The following CCBE1 variants were observed in gnomAD, a reference collection of about 807,000 sequenced individuals.
The protein encoded by CCBE1 is collagen and calcium binding EGF domains 1.
Under a neutral mutation model 50.0 loss-of-function variants are expected in CCBE1, and 37 were observed. The ratio of observed to expected loss-of-function variants is 0.74; its 90% CI spans 0.57 to 0.97. The LOEUF (loss-of-function observed/expected upper bound fraction) is 0.97, where lower values mean the gene tolerates loss of function less well. Among genes scored for constraint, CCBE1 ranks in the 50% least tolerant of loss-of-function variants. CCBE1 has a pLI of 0.00. For missense variants in CCBE1, 538 were observed against 523.8 expected (o/e 1.03, Z -0.26); for synonymous variants, 234 against 203.7 (o/e 1.15, Z -1.27).
chr18:59,473,748 C>T (rs76602799), intron 3 of CCBE1, among the ~76,000 whole-genome samples: 11 of 26,712 alleles, frequency 4.1e-4, no homozygotes, highest in South Asian at 1.1e-3. Context: ...TTTCCTCCCC[C>T]ACTACTCACC....
chr18:59,517,400 T>G (rs1466485134), intron 2 of CCBE1, among the ~76,000 whole-genome samples: 1 of 152,242 alleles, frequency 6.6e-6, no homozygotes, highest in Admixed American at 6.5e-5. Context: ...TTTCACCTGT[T>G]TCTATGCATG....
chr18:59,517,255 T>C (rs1914412649), intron 2 of CCBE1, among the ~76,000 whole-genome samples: 2 of 152,258 alleles, frequency 1.3e-5, no homozygotes, highest in African/African-American at 2.4e-5. Context: ...AACTGGCTTT[T>C]ATTGATTCAC....
chr18:59,458,716 T>C (rs913871948), intron 5 of CCBE1, among the ~76,000 whole-genome samples: 2 of 152,214 alleles, frequency 1.3e-5, no homozygotes, highest in Non-Finnish European at 2.9e-5. Context: ...GAGCCTGCTA[T>C]TGGGAATTCT....
chr18:59,692,482 C>A (rs2054745329), intron 2 of CCBE1, among the ~76,000 whole-genome samples: 1 of 152,018 alleles, frequency 6.6e-6, no homozygotes, highest in Non-Finnish European at 1.5e-5. Context: ...ATTATCGAAG[C>A]CCACTCCCCC....
intron 2 of CCBE1, among the ~76,000 whole-genome samples, chr18:59,640,292 C>G (rs1440222156): frequency 6.6e-6 from 1 of 152,114 alleles, no homozygotes; most frequent in Non-Finnish European, 1.5e-5. Flanking sequence ...ATACACAGAC[C>G]AATGGAACAG....
rs1910346660 is a variant in CCBE1 at position 59,439,986 on chromosome 18, A to G, written c.776-170T>C. ...AGGCATTTTAAACTTGATACGATCAAAAGCGGCTTCCCCATCTTCCTCTCT... is the reference window on the plus strand; with the variant it reads ...AGGCATTTTAAACTTGATACGATCAGAAGCGGCTTCCCCATCTTCCTCTCT... On this transcript the variant is annotated intron_variant, in intron 7 of 10. Transcript: ENST00000439986. Among the ~76,000 whole-genome samples the G allele has an allele frequency of 2.6e-5, 4 of 152,242 alleles. No homozygotes were observed. In the South Asian group the frequency reaches 8.3e-4, roughly 31 times the overall value.
At chr18:59,639,761 AG>A (rs1470450971) in intron 2 of CCBE1, among the ~76,000 whole-genome samples, 13 of 152,360 alleles carry the variant, frequency 8.5e-5, no homozygotes, top group Middle Eastern at 3.4e-3. Context: ...TCTGCCCAAA[AG>A]CTCTTTGATC....
At chr18:59,669,015 G>A (rs1480966351) in intron 2 of CCBE1, among the ~76,000 whole-genome samples, 2 of 151,812 alleles carry the variant, frequency 1.3e-5, no homozygotes, top group East Asian at 3.9e-4. Flanking sequence ...TGTATTTTTA[G>A]TAGAGAGAGG....
intron 5 of CCBE1, among the ~76,000 whole-genome samples, chr18:59,458,503 T>C (rs1911310176): frequency 6.6e-6 from 1 of 152,256 alleles, no homozygotes; most frequent in African/African-American, 2.4e-5. Context: ...CATGATAAGA[T>C]AAACCTCTTT....
At chr18:59,680,635 T>C (rs1355053533) in intron 2 of CCBE1, among the ~76,000 whole-genome samples, 1 of 150,774 alleles carries the variant, frequency 6.6e-6, no homozygotes, top group Non-Finnish European at 1.5e-5. Flanking sequence ...GAGGCGGAGG[T>C]TGCAGTGAGC....
chr18:59,553,346 C>T (rs1356759023), intron 2 of CCBE1, among the ~76,000 whole-genome samples: 2 of 152,112 alleles, frequency 1.3e-5, no homozygotes, highest in Non-Finnish European at 2.9e-5. Context: ...TCTTACTGAA[C>T]CAAAGAGGAA....
At chr18:59,515,479 T>C (rs1352168487) in intron 2 of CCBE1, among the ~76,000 whole-genome samples, 1 of 152,228 alleles carries the variant, frequency 6.6e-6, no homozygotes, top group Non-Finnish European at 1.5e-5. Flanking sequence ...TCTGCTCATG[T>C]CTTCTCAGAG....
At chr18:59,571,970 T>C (rs2052922042) in intron 2 of CCBE1, among the ~76,000 whole-genome samples, 1 of 152,236 alleles carries the variant, frequency 6.6e-6, no homozygotes, top group African/African-American at 2.4e-5. Context: ...GTCTAGTCTT[T>C]AATCTCTGGA....
intron 2 of CCBE1, among the ~76,000 whole-genome samples, chr18:59,543,422 T>C (rs1003565653): frequency 1.3e-5 from 2 of 152,182 alleles, no homozygotes; most frequent in Non-Finnish European, 2.9e-5. Flanking sequence ...ATATTTAGGA[T>C]TAAAAAGAGT....
At chr18:59,539,091 G>A (rs1230488373) in intron 2 of CCBE1, among the ~76,000 whole-genome samples, 4 of 152,048 alleles carry the variant, frequency 2.6e-5, no homozygotes, top group Non-Finnish European at 4.4e-5. Context: ...CAGGAGGACC[G>A]CTTGAGCCCA....
At chr18:59,485,584 A>ATATTTATT (rs60888501) in intron 2 of CCBE1, among the ~76,000 whole-genome samples, 47,320 of 140,594 alleles carry the variant, frequency 0.34, 8,461 homozygotes, top group African/African-American at 0.42. Flanking sequence ...GATATATCAG[A>ATATTTATT]TATTTATTTA....
intron 2 of CCBE1, among the ~76,000 whole-genome samples, chr18:59,622,333 C>A (rs931595994): frequency 1.3e-5 from 2 of 152,022 alleles, no homozygotes; most frequent in Non-Finnish European, 2.9e-5. Flanking sequence ...TTGTCTCTAC[C>A]AAAAATACAA....
At chr18:59,579,546 G>A (rs2851860) in intron 2 of CCBE1, among the ~76,000 whole-genome samples, 13,349 of 152,238 alleles carry the variant, frequency 0.088, 619 homozygotes, top group East Asian at 0.13. Flanking sequence ...TTCCAACCAA[G>A]GACAATTTTA....
intron 8 of CCBE1, 41 bp downstream of exon 8, chr18:59,439,636 T>A (rs371717561): frequency 1.1e-4 from 176 of 1,614,054 alleles, no homozygotes; most frequent in Admixed American, 1.7e-5. Context: ...AAAAACACAT[T>A]TTCCCCCAAA....
Sources: gnomAD v4.1 joint callset for allele counts (sites outside exome capture counted in the v4.1 genomes callset) on GRCh38, gnomAD v4.1.1 for gene constraint, MANE v1.5 for transcripts, NCBI Gene and HGNC (gene_info 2026-07-23, HGNC 2026-07-21) for gene names.